OSBPL11: variants seen among roughly 807,000 people sequenced by gnomAD.
OSBPL11 encodes the protein oxysterol binding protein like 11.
A neutral mutation model predicts 84.4 loss-of-function variants in OSBPL11; 33 were observed. The observed-to-expected ratio is 0.39, with a 90% CI of 0.30 to 0.52. The LOEUF is 0.52. Ranked by LOEUF, OSBPL11 falls within the 20% of genes least tolerant of loss-of-function variation. The pLI is 0.72. For synonymous variants in OSBPL11, 276 were observed against 310.2 expected (o/e 0.89, Z 1.16); for missense variants, 736 against 901.1 (o/e 0.82, Z 2.35).
chr3:125,546,010 T>C (rs1338559818), intron 10 of OSBPL11, among the ~76,000 whole-genome samples: 2 of 151,926 alleles, frequency 1.3e-5, no homozygotes, highest in Admixed American at 6.6e-5. Flanking sequence ...AATAAGAAAG[T>C]TGGCTGAGCA....
At chr3:125,586,858 TA>T (rs1936519880) in intron 1 of OSBPL11, among the ~76,000 whole-genome samples, 1 of 152,224 alleles carries the variant, frequency 6.6e-6, no homozygotes, top group South Asian at 2.1e-4. Context: ...TTAAGATAGA[TA>T]AAAGTTTTTA....
chr3:125,580,047 TG>T lies in OSBPL11; in HGVS notation c.234-8del, dbSNP rs1936399310. The T allele has an allele frequency of 6.3e-7, 1 of 1,599,086 alleles. No individual in the cohort carries two copies. The highest frequency in any genetic ancestry group is 2.2e-5 in the East Asian group (1 of 44,754). On this transcript the variant is annotated splice_polypyrimidine_tract_variant and splice_region_variant and intron_variant, in intron 2 of 12. Transcript: ENST00000296220. ...ATTGTTTAAAACAAAAAACCTGTAATGATTTTTTAAAATCCATAATTTGTAA... is the reference window on the plus strand; with the variant it reads ...ATTGTTTAAAACAAAAAACCTGTAATATTTTTTAAAATCCATAATTTGTAA...
At chr3:125,533,249 T>C (rs888126879) in intron 11 of OSBPL11, among the ~76,000 whole-genome samples, 1 of 149,816 alleles carries the variant, frequency 6.7e-6, no homozygotes, top group East Asian at 2.0e-4. Flanking sequence ...TCTCGTCTCT[T>C]CTCTTTTTTC....
rs1035458061 is a variant in OSBPL11 at position 125,529,528 on chromosome 3, T to C, written c.*987A>G. ...ATAAGTTTTGAATTACTGACAAATA[T>C]GAATAGAATCATTTATTTTAATTTT... On this transcript the variant is annotated 3_prime_UTR_variant, in exon 13 of 13. Transcript: ENST00000296220. 1 of 152,198 alleles carries C rather than the reference T, an allele frequency of 6.6e-6. No individual in the cohort carries two copies. Among genetic ancestry groups the C allele is most frequent in the Non-Finnish European group, 1.5e-5 (1 of 67,970 alleles). The allele number at this position is 152,198 out of a possible 1,614,324, so 9.4% of individuals were successfully genotyped here. A position where few individuals can be genotyped will look rare whatever the true frequency, so the allele number is the denominator to read the frequency against.
intron 5 of OSBPL11, among the ~76,000 whole-genome samples, chr3:125,567,989 G>C (rs745869035): frequency 2.3e-5 from 3 of 131,586 alleles, no homozygotes; most frequent in Non-Finnish European, 4.8e-5. Flanking sequence ...GTAAAACCCC[G>C]TCTAAAAAAA....
chr3:125,590,766 G>C (rs1211895390), intron 1 of OSBPL11, among the ~76,000 whole-genome samples: 1 of 152,038 alleles, frequency 6.6e-6, no homozygotes, highest in East Asian at 1.9e-4. Flanking sequence ...ACATAAGTTA[G>C]AACATGAGTA....
chr3:125,538,537 T>C lies in OSBPL11; in HGVS notation c.1938A>G (p.Gly646=). ...NSVLEFTYSN[G]ETKYVDLTKL... is the part of the protein sequence containing the mutation. ...TAGTCAAGTCCACATACTTTGTCTC[T>C]CCATTGCTATATGTGAACTCAAGAA... The change falls in exon 11 of 13, where the codon GGA becomes GGG. Residue 646 remains glycine (G), a synonymous_variant. Transcript: ENST00000296220. 6.2e-7 allele frequency: 1 copy of C among 1,614,148 alleles called. No homozygotes were observed. Among genetic ancestry groups the C allele is most frequent in the Non-Finnish European group, 8.5e-7 (1 of 1,179,988 alleles).
Position 125,579,909 on chromosome 3 carries a change from G to T in OSBPL11, c.365C>A (p.Thr122Asn). 2 of 1,614,182 alleles carry T rather than the reference G, an allele frequency of 1.2e-6. No individual in the cohort carries two copies. The highest frequency in any genetic ancestry group is 1.7e-5 in the Admixed American group (1 of 60,020). Residue 122 changes from threonine (T) to asparagine (N), a missense_variant, in exon 3 of 13, where the codon ACC becomes AAC. Coordinates refer to ENST00000296220, the MANE Select transcript of OSBPL11 (RefSeq NM_022776.5). Reference sequence around the variant, plus strand: ...CCCACTGGCAGCGTTTACAGTGAAGGTGTGAGAATCCTCATCACTGGGTGA... The same window carrying T: ...CCCACTGGCAGCGTTTACAGTGAAGTTGTGAGAATCCTCATCACTGGGTGA... ...VISPSDEDSH[T>N]FTVNAASGEQ...
Position 125,560,454 on chromosome 3 carries a change from C to T in OSBPL11, c.1080G>A (p.Leu360=), listed in dbSNP as rs1161978806. The T allele has an allele frequency of 5.0e-6, 8 of 1,608,948 alleles. No homozygotes were observed. Among genetic ancestry groups the T allele is most frequent in the Non-Finnish European group, 6.8e-6 (8 of 1,177,070 alleles). ...EDTCDHKEDD[L]GAVEEQRSVI... is the part of the protein sequence containing the mutation. Reference sequence around the variant, plus strand: ...CACTACGTTGTTCTTCTACAGCTCCCAGGTCATCCTCTTTGTGGTCACATG... The same window carrying T: ...CACTACGTTGTTCTTCTACAGCTCCTAGGTCATCCTCTTTGTGGTCACATG... The change falls in exon 8 of 13, where the codon CTG becomes CTA. Residue 360 remains leucine, a synonymous_variant. Coordinates refer to ENST00000296220, the MANE Select transcript of OSBPL11 (RefSeq NM_022776.5).
chr3:125,569,424 G>C (rs1456873524), intron 5 of OSBPL11, among the ~76,000 whole-genome samples: 3 of 152,116 alleles, frequency 2.0e-5, no homozygotes, highest in Non-Finnish European at 4.4e-5. Flanking sequence ...ACTGTATGTA[G>C]GTATGATGGT....
At chr3:125,587,801 G>T (rs535255947) in intron 1 of OSBPL11, among the ~76,000 whole-genome samples, 1 of 152,192 alleles carries the variant, frequency 6.6e-6, no homozygotes, top group East Asian at 1.9e-4. Context: ...TAGCCAGGCA[G>T]GGTGGCACAC....
Position 125,567,375 on chromosome 3 carries a change from C to G in OSBPL11, c.868+19G>C. 6.3e-7 allele frequency: 1 copy of G among 1,591,404 alleles called. No homozygotes were observed. The highest frequency in any genetic ancestry group is 8.6e-7 in the Non-Finnish European group (1 of 1,159,558). On this transcript the variant is annotated intron_variant, in intron 6 of 12. Coordinates refer to ENST00000296220, the MANE Select transcript of OSBPL11 (RefSeq NM_022776.5). ...TGTTGGCCTTCATTGTGAAGCCCTA[C>G]CTTTAATCGACAACTTACCTGAAGG...
At chr3:125,583,990 C>T (rs1470748920) in intron 1 of OSBPL11, among the ~76,000 whole-genome samples, 1 of 152,112 alleles carries the variant, frequency 6.6e-6, no homozygotes, top group Non-Finnish European at 1.5e-5. Flanking sequence ...AAACCCAATG[C>T]CCCAGACTCT....
At position 125,594,151 on chromosome 3, in the gene OSBPL11, C is replaced by T. The variant is rs189422543; in HGVS notation, c.164+486G>A. Among the ~76,000 whole-genome samples the T allele has an allele frequency of 1.5e-3, 236 of 152,318 alleles. 2 individuals are homozygous for T. Among genetic ancestry groups the T allele is most frequent in the African/African-American group, 5.0e-3 (207 of 41,560 alleles). On this transcript the variant is annotated intron_variant, in intron 1 of 12. Coordinates refer to ENST00000296220, the MANE Select transcript of OSBPL11 (RefSeq NM_022776.5). ...TACCTTTGTCCTTGCATTCCAATTA[C>T]TTATGTACATTCCCCTTTCCAAGTC...
intron 3 of OSBPL11, among the ~76,000 whole-genome samples, chr3:125,579,315 TA>T (rs1410650453): frequency 1.3e-5 from 2 of 152,226 alleles, no homozygotes; most frequent in African/African-American, 4.8e-5. Flanking sequence ...AATAGGTTCT[TA>T]TTTAAAGAAA....
At chr3:125,533,318 G>A (rs560426545) in intron 11 of OSBPL11, among the ~76,000 whole-genome samples, 8 of 150,622 alleles carry the variant, frequency 5.3e-5, no homozygotes, top group South Asian at 4.2e-4. Context: ...TCTGCCTCCC[G>A]GACTCAAGCA....
chr3:125,583,090 A>G, intron 1 of OSBPL11, 112 bp from the exon 2 acceptor site: 1 of 661,034 alleles, frequency 1.5e-6, no homozygotes, highest in Non-Finnish European at 2.5e-6. Flanking sequence ...TAAATGCCTC[A>G]AATTTTATTG....
chr3:125,593,410 A>G (rs1484357133), intron 1 of OSBPL11, among the ~76,000 whole-genome samples: 1 of 152,182 alleles, frequency 6.6e-6, no homozygotes, highest in Non-Finnish European at 1.5e-5. Flanking sequence ...ACTTGAGGTC[A>G]GGAGTTCGAG....
At chr3:125,547,816 G>A (rs1179309609) in intron 9 of OSBPL11, among the ~76,000 whole-genome samples, 1 of 152,072 alleles carries the variant, frequency 6.6e-6, no homozygotes, top group Non-Finnish European at 1.5e-5. Flanking sequence ...ATCAATTTGA[G>A]GTTCATGAAA....
Sources: allele counts gnomAD v4.1 joint callset (sites outside exome capture counted in the v4.1 genomes callset), GRCh38; gene constraint gnomAD v4.1.1; transcripts MANE v1.5; gene names NCBI Gene and HGNC (gene_info 2026-07-23, HGNC 2026-07-21).